STAG1: variants seen among roughly 807,000 people sequenced by gnomAD.
STAG1 encodes the protein STAG1 cohesin complex component.
In STAG1, 26 loss-of-function variants were observed where a neutral mutation model predicts 170.9. That is an observed-to-expected ratio of 0.15 (90% CI 0.11 to 0.21). The LOEUF is 0.21. Ranked by LOEUF, STAG1 falls within the 10% of genes least tolerant of loss-of-function variation. STAG1 has a pLI of 1.00. For synonymous variants in STAG1, 514 were observed against 497.7 expected, an observed-to-expected ratio of 1.03 and a Z score of -0.44; for missense variants, 964 against 1,509.5, an observed-to-expected ratio of 0.64 and a Z score of 5.99.
At chr3:136,666,062 G>A (rs1250103259) in intron 1 of STAG1, among the ~76,000 whole-genome samples, 2 of 99,174 alleles carry the variant, frequency 2.0e-5, no homozygotes, top group Non-Finnish European at 3.8e-5. Context: ...GCGATAGAGT[G>A]AGACTCCATC....
chr3:136,353,495 C>A (rs1285996901), intron 28 of STAG1, among the ~76,000 whole-genome samples: 2 of 152,120 alleles, frequency 1.3e-5, no homozygotes, highest in African/African-American at 2.4e-5. Flanking sequence ...CAAAGAAAAT[C>A]CAATAAAATT....
intron 1 of STAG1, among the ~76,000 whole-genome samples, chr3:136,639,185 G>GA (rs10681540): frequency 0.41 from 47,867 of 115,468 alleles, 9,507 homozygotes; most frequent in African/African-American, 0.57. Flanking sequence ...AAAGAAAAAA[G>GA]AAAAGAAAAA....
chr3:136,749,937 C>A (rs1935142251), intron 1 of STAG1, among the ~76,000 whole-genome samples: 2 of 148,714 alleles, frequency 1.3e-5, no homozygotes, highest in South Asian at 2.1e-4. Context: ...AACTAATATA[C>A]CCCCCTAAAT....
chr3:136,376,005 T>A (rs1452881324), intron 23 of STAG1, among the ~76,000 whole-genome samples: 50 of 63,942 alleles, frequency 7.8e-4, no homozygotes, highest in Middle Eastern at 9.3e-3. Context: ...AATAAATAAA[T>A]AAATAATTAA....
chr3:136,463,626 C>A (rs377478535), intron 13 of STAG1, among the ~76,000 whole-genome samples: 3 of 150,264 alleles, frequency 2.0e-5, no homozygotes, highest in African/African-American at 7.4e-5. Context: ...GCCTGTAATC[C>A]CAACACTATG....
rs569150729 is a variant in STAG1 at position 136,608,896 on chromosome 3, T to C, written c.133-4423A>G. 4.0e-5 allele frequency among the ~76,000 whole-genome samples: 6 copies of C among 148,932 alleles called. No individual in the cohort carries two copies. In the East Asian group the frequency reaches 1.2e-3, roughly 30 times the overall value. On this transcript the variant is annotated intron_variant, in intron 3 of 33. Coordinates refer to ENST00000383202, the MANE Select transcript of STAG1 (RefSeq NM_005862.3). ...GTTCTTATGTGGACAAAACATAAAA[T>C]ACACCTCCCATATGTTACACATAAC...
In STAG1 at chr3:136,627,255, T is replaced by C. The variant is rs147284475; in HGVS notation, c.29+3615A>G. ...CATAAGAAAACAAATTCTAGGCTTT[T>C]GAAAAAGAAAATTTCGAGCAACAGA... On this transcript the variant is annotated intron_variant, in intron 2 of 33. Transcript: ENST00000383202. Among the ~76,000 whole-genome samples the C allele has an allele frequency of 2.5e-3, 383 of 152,328 alleles. 1 individual carries two copies. Among genetic ancestry groups the C allele is most frequent in the African/African-American group, 8.6e-3 (357 of 41,572 alleles).
rs150298318 is a variant in STAG1 at position 136,548,217 on chromosome 3, G to T, written c.395-6022C>A. Among the ~76,000 whole-genome samples, 1,084 of 151,660 alleles carry T rather than the reference G, an allele frequency of 7.1e-3. 15 individuals are homozygous for T. The highest frequency in any genetic ancestry group is 0.024 in the African/African-American group (976 of 41,334). ...CAGCCTTGACCTCCCCAGCTCAGGT[G>T]GTCCTCCCACCTCACCTCCCAAGTA... is the stretch of plus-strand genomic sequence containing the variant. On this transcript the variant is annotated intron_variant, in intron 5 of 33. Transcript: ENST00000383202.
At chr3:136,638,027 C>G (rs1357516014) in intron 1 of STAG1, among the ~76,000 whole-genome samples, 1 of 152,086 alleles carries the variant, frequency 6.6e-6, no homozygotes, top group African/African-American at 2.4e-5. Flanking sequence ...CTGGCCTCAG[C>G]CTCCCAAGTA....
intron 3 of STAG1, among the ~76,000 whole-genome samples, chr3:136,615,450 A>G (rs1019579564): frequency 6.7e-6 from 1 of 148,822 alleles, no homozygotes; most frequent in Non-Finnish European, 1.5e-5. Flanking sequence ...AAAAAAAAAA[A>G]AGGAGTGGGG....
chr3:136,715,166 T>TATCA (rs1472938687), intron 1 of STAG1, among the ~76,000 whole-genome samples: 1 of 94,784 alleles, frequency 1.1e-5, no homozygotes, highest in African/African-American at 6.8e-5. Flanking sequence ...TGTGGGGTTT[T>TATCA]TTAACTTTTT....
intron 6 of STAG1, among the ~76,000 whole-genome samples, chr3:136,534,060 C>T (rs1935505656): frequency 6.6e-6 from 1 of 152,108 alleles, no homozygotes; most frequent in Non-Finnish European, 1.5e-5. Context: ...AAAATAACCA[C>T]ACATACCAAT....
intron 22 of STAG1, among the ~76,000 whole-genome samples, chr3:136,392,247 G>A (rs964808895): frequency 1.3e-5 from 2 of 152,048 alleles, no homozygotes; most frequent in African/African-American, 4.8e-5. Flanking sequence ...CATCATCACA[G>A]CATTAATTTT....
At chr3:136,610,487 T>G (rs1203401657) in intron 3 of STAG1, among the ~76,000 whole-genome samples, 5 of 152,352 alleles carry the variant, frequency 3.3e-5, no homozygotes, top group Admixed American at 1.3e-4. Flanking sequence ...AGACTGAATA[T>G]TTGAGTATGT....
At chr3:136,729,404 GAATT>G (rs970367450) in intron 1 of STAG1, among the ~76,000 whole-genome samples, 68 of 152,012 alleles carry the variant, frequency 4.5e-4, no homozygotes, top group African/African-American at 1.4e-3. Flanking sequence ...GCTTATAAGA[GAATT>G]AATTATATTC....
At chr3:136,625,791 CGCT>C (rs1940066364) in intron 2 of STAG1, among the ~76,000 whole-genome samples, 1 of 152,204 alleles carries the variant, frequency 6.6e-6, no homozygotes, top group Non-Finnish European at 1.5e-5. Flanking sequence ...TTCTACACAC[CGCT>C]GCCAGTAATA....
chr3:136,656,074 TATTC>T (rs897625458), intron 1 of STAG1, among the ~76,000 whole-genome samples: 1 of 152,098 alleles, frequency 6.6e-6, no homozygotes, highest in Non-Finnish European at 1.5e-5. Flanking sequence ...AATGGAGTAT[TATTC>T]AGCCTTAAAA....
At chr3:136,465,431 G>A (rs184806994) in intron 12 of STAG1, among the ~76,000 whole-genome samples, 1 of 151,440 alleles carries the variant, frequency 6.6e-6, no homozygotes, top group African/African-American at 2.4e-5. Context: ...ATGTTAGGCA[G>A]ACTGTTCTCT....
At chr3:136,472,252 A>G (rs560975869) in intron 12 of STAG1, among the ~76,000 whole-genome samples, 161 bp downstream of exon 12, 67 of 152,322 alleles carry the variant, frequency 4.4e-4, no homozygotes, top group African/African-American at 1.6e-3. Context: ...AAAAATAGAA[A>G]AAAACAGAAA....
Sources: gnomAD v4.1 joint callset for allele counts (sites outside exome capture counted in the v4.1 genomes callset) on GRCh38, gnomAD v4.1.1 for gene constraint, MANE v1.5 for transcripts, NCBI Gene and HGNC (gene_info 2026-07-23, HGNC 2026-07-21) for gene names.